Variants in REV1 observed in about 807,000 individuals in gnomAD.
REV1 encodes translesion synthesis protein REV1.
REV1 carries 42 observed loss-of-function variants against 137.4 expected under a neutral mutation model. The ratio of observed to expected loss-of-function variants is 0.31; its 90% CI spans 0.24 to 0.40. The LOEUF is 0.40. REV1 is among the 10% of genes least tolerant of loss of function. REV1 has a pLI of 1.00. For synonymous variants in REV1, 524 were observed against 519.2 expected, an observed-to-expected ratio of 1.01 and a Z score of -0.12; for missense variants, 1,282 against 1,490.1, an observed-to-expected ratio of 0.86 and a Z score of 2.30.
At chr2:99,405,853 TTGTATTTATATTTAGGAGTATAAAA>T in intron 17 of REV1, 32 bp downstream of exon 17, 1 of 1,164,216 alleles carries the variant, frequency 8.6e-7, no homozygotes, top group Admixed American at 2.9e-5. Flanking sequence ...ACTTGTATTT[TTGTATTTATATTTAGGAGTATAAAA>T]TGTACTTATA....
chr2:99,435,797 A>G (rs753024395), intron 7 of REV1, 37 bp downstream of exon 7: 13 of 995,706 alleles, frequency 1.3e-5, no homozygotes, highest in East Asian at 2.5e-5. Context: ...TTATAACAAT[A>G]TATCAGTTTT....
chr2:99,403,948 A>G, intron 18 of REV1, 133 bp from the exon 19 acceptor site: 2 of 1,052,518 alleles, frequency 1.9e-6, no homozygotes, highest in Non-Finnish European at 2.7e-6. Flanking sequence ...CAGTTCCCCA[A>G]TATCAAAGCT....
chr2:99,461,984 T>G (rs540242116), intron 3 of REV1, among the ~76,000 whole-genome samples: 1 of 152,314 alleles, frequency 6.6e-6, no homozygotes, highest in African/African-American at 2.4e-5. Context: ...AGAAAATGAA[T>G]AGAGAGACTA....
chr2:99,464,342 T>C (rs1177484015), intron 2 of REV1, among the ~76,000 whole-genome samples: 3 of 152,228 alleles, frequency 2.0e-5, no homozygotes, highest in African/African-American at 7.2e-5. Flanking sequence ...AAATATTATA[T>C]GCTCACTATG....
chr2:99,465,966 G>T (rs1338526585), intron 1 of REV1, among the ~76,000 whole-genome samples: 1 of 152,016 alleles, frequency 6.6e-6, no homozygotes, highest in Non-Finnish European at 1.5e-5. Context: ...TTTTGAGACG[G>T]AGTCTCGCTC....
rs746026594 is a variant in REV1 at position 99,402,733 on chromosome 2, C to G, written c.3452G>C (p.Cys1151Ser). 7 of 1,614,216 alleles carry G rather than the reference C, an allele frequency of 4.3e-6. No individual in the cohort carries two copies. The highest frequency in any genetic ancestry group is 5.9e-6 in the Non-Finnish European group (7 of 1,180,036). ...LSSLQSDPAG[C>S]VRPPAPNLAG... ...TAGATTGGGTGCTGGAGGTCTCACA[C>G]AGCCAGCTGGGTCAGACTGCAAACT... The change falls in exon 21 of 23, where the codon TGT (cysteine) becomes TCT (serine). Residue 1151 changes from cysteine to serine, a missense_variant. This residue lies in a region of REV1 where 170 missense variants were observed against 156.8 expected (regional missense o/e 1.08). Coordinates refer to ENST00000258428, the MANE Select transcript of REV1 (RefSeq NM_016316.4).
At chr2:99,466,366 C>A (rs1276331610) in intron 1 of REV1, among the ~76,000 whole-genome samples, 4 of 152,180 alleles carry the variant, frequency 2.6e-5, no homozygotes, top group Admixed American at 6.5e-5. Flanking sequence ...CCTCAGCCTC[C>A]TGAGTAGCTG....
chr2:99,484,026 T>C (rs1322316440), intron 1 of REV1, among the ~76,000 whole-genome samples: 1 of 148,100 alleles, frequency 6.8e-6, no homozygotes, highest in Non-Finnish European at 1.5e-5. Context: ...CATTAAAATT[T>C]ATGTAAAAAC....
chr2:99,488,008 G>C (rs1170133174), intron 1 of REV1, among the ~76,000 whole-genome samples: 1 of 118,842 alleles, frequency 8.4e-6, no homozygotes, highest in Non-Finnish European at 1.8e-5. Context: ...TTCTACAAAC[G>C]AGAAAAAATC....
At chr2:99,468,826 C>T (rs1685096550) in intron 1 of REV1, among the ~76,000 whole-genome samples, 1 of 152,210 alleles carries the variant, frequency 6.6e-6, no homozygotes. Flanking sequence ...ACATTAACTA[C>T]TGTTATAGTA....
intron 3 of REV1, chr2:99,451,543 G>A (rs1033186598): frequency 2.4e-6 from 3 of 1,234,626 alleles, no homozygotes; most frequent in African/African-American, 3.1e-5. Flanking sequence ...GAATAAGACC[G>A]ATCTGAGTTT....
intron 1 of REV1, among the ~76,000 whole-genome samples, chr2:99,478,167 C>G (rs759721311): frequency 1.4e-4 from 22 of 152,102 alleles, no homozygotes; most frequent in Non-Finnish European, 2.9e-4. Flanking sequence ...ACCCGGGAGG[C>G]AGAGGTTGTA....
chr2:99,459,086 T>C lies in REV1; in HGVS notation c.181+3410A>G, dbSNP rs536549560. 7.2e-5 allele frequency among the ~76,000 whole-genome samples: 11 copies of C among 152,104 alleles called. No homozygotes were observed. In the East Asian group the frequency reaches 1.2e-3, roughly 16 times the overall value. On this transcript the variant is annotated intron_variant, in intron 3 of 22. Coordinates refer to ENST00000258428, the MANE Select transcript of REV1 (RefSeq NM_016316.4). Reference sequence around the variant, plus strand: ...AGCCAGGCGTGGTGGTGGCCACCTGTAGTCCCAGCTACTCGGGAGGCTGAG... The same window carrying C: ...AGCCAGGCGTGGTGGTGGCCACCTGCAGTCCCAGCTACTCGGGAGGCTGAG...
chr2:99,478,808 G>A (rs1202431016), intron 1 of REV1, among the ~76,000 whole-genome samples: 1 of 152,198 alleles, frequency 6.6e-6, no homozygotes, highest in African/African-American at 2.4e-5. Context: ...GTCTAGGGCA[G>A]GGCTGGAAAT....
intron 3 of REV1, among the ~76,000 whole-genome samples, chr2:99,456,010 A>G (rs1224018104): frequency 2.6e-5 from 4 of 152,188 alleles, no homozygotes; most frequent in African/African-American, 7.2e-5. Flanking sequence ...AACTGTCCCA[A>G]TCTCACACCA....
In REV1 at chr2:99,444,111, C is replaced by T. The variant is rs192067600; in HGVS notation, c.351-1642G>A. Among the ~76,000 whole-genome samples the T allele has an allele frequency of 2.0e-3, 299 of 152,320 alleles. 3 individuals are homozygous for T. The highest frequency in any genetic ancestry group is 6.8e-3 in the African/African-American group (284 of 41,576). On this transcript the variant is annotated intron_variant, in intron 4 of 22. Coordinates refer to ENST00000258428, the MANE Select transcript of REV1 (RefSeq NM_016316.4). ...CTGGGATTACAGGTGTGAGCCACCG[C>T]GCCCAGCCCTTTTCTTCCTTTAATA...
In REV1 at chr2:99,402,906, G is replaced by A. The variant is rs1210370111; in HGVS notation, c.3367C>T (p.Pro1123Ser). 1 of 1,613,942 alleles carries A rather than the reference G, an allele frequency of 6.2e-7. No homozygotes were observed. Among genetic ancestry groups the A allele is most frequent in the East Asian group, 2.2e-5 (1 of 44,888 alleles). ...GGAATTACCAGGGGTTTCTCTGCAG[G>A]AGGTCCTTCATGTTTTAGAAACCCA... ...IDGFLKHEGP[P>S]AEKPLEELSA... The change falls in exon 20 of 23, where the codon CCT becomes TCT. Residue 1123 changes from proline (P) to serine (S), a missense_variant. Physicochemically the swap from Pro to Ser is moderately conservative, Grantham distance 74 (BLOSUM62 -1). Around this residue, in one of 7 missense-constraint regions of REV1, gnomAD observed 170 missense variants for 156.8 expected, o/e 1.08. Transcript: ENST00000258428.
chr2:99,409,048 G>C (rs1676732705), intron 14 of REV1, among the ~76,000 whole-genome samples: 1 of 152,136 alleles, frequency 6.6e-6, no homozygotes, highest in Admixed American at 6.5e-5. Context: ...CAAAACGCTG[G>C]GAGGTCAAGG....
At position 99,402,329 on chromosome 2, in the gene REV1, T is replaced by C. The variant is rs1675582419; in HGVS notation, c.3559A>G (p.Ile1187Val). Residue 1187 changes from isoleucine (I) to valine (V), a missense_variant, in exon 22 of 23, where the codon ATT (isoleucine) becomes GTT (valine). By Grantham distance (29) the Ile-to-Val change is conservative. Coordinates refer to ENST00000258428, the MANE Select transcript of REV1 (RefSeq NM_016316.4). ...GTACAGTATTTCACAACTTGGAGAA[T>C]GTCTTCTTCCATTGGATCTAGGAAG... is the stretch of plus-strand genomic sequence containing the variant. The part of the protein sequence containing the change: ...TTISDPMEED[I>V]LQVVKYCTDL... 1 of 1,530,560 alleles carries C rather than the reference T, an allele frequency of 6.5e-7. No homozygotes were observed. Among genetic ancestry groups the C allele is most frequent in the Non-Finnish European group, 9.0e-7 (1 of 1,116,432 alleles). The allele number at this position is 1,530,560 out of a possible 1,614,324, so 94.8% of individuals were successfully genotyped here.
Sources: allele counts gnomAD v4.1 joint callset (sites outside exome capture counted in the v4.1 genomes callset), GRCh38; gene constraint gnomAD v4.1.1; regional missense constraint gnomAD v4.1.1; transcripts MANE v1.5; gene names NCBI Gene and HGNC (gene_info 2026-07-23, HGNC 2026-07-21).